The following NLGN1 variants were observed in gnomAD, a reference collection of about 807,000 sequenced individuals.
NLGN1 encodes neuroligin-1.
NLGN1 carries 12 observed loss-of-function variants against 65.5 expected under a neutral mutation model. That is an observed-to-expected ratio of 0.18 (90% confidence interval 0.12 to 0.30). The LOEUF (loss-of-function observed/expected upper bound fraction) is 0.30, where lower values mean the gene tolerates loss of function less well. Among genes scored for constraint, NLGN1 ranks in the 10% least tolerant of loss-of-function variants. The pLI is 1.00. For synonymous variants in NLGN1, 350 were observed against 359.5 expected, an observed-to-expected ratio of 0.97 and a Z score of 0.30; for missense variants, 750 against 1,007.1, an observed-to-expected ratio of 0.74 and a Z score of 3.46.
intron 4 of NLGN1, among the ~76,000 whole-genome samples, chr3:173,850,836 C>T (rs1726789269): frequency 6.6e-6 from 1 of 151,926 alleles, no homozygotes; most frequent in African/African-American, 2.4e-5. Flanking sequence ...TCCCAGGGCT[C>T]AAGTATCCTC....
intron 2 of NLGN1, among the ~76,000 whole-genome samples, chr3:173,519,854 G>T (rs1203036809): frequency 2.0e-5 from 3 of 152,090 alleles, no homozygotes; most frequent in Non-Finnish European, 4.4e-5. Context: ...GCAGTGTGAG[G>T]ACATGATATT....
At chr3:173,415,502 T>A (rs890687689) in intron 1 of NLGN1, among the ~76,000 whole-genome samples, 6 of 152,208 alleles carry the variant, frequency 3.9e-5, no homozygotes, top group African/African-American at 1.2e-4. Flanking sequence ...GATGTAGATA[T>A]AAGTTGACAT....
At chr3:173,815,809 T>A (rs770727798) in intron 4 of NLGN1, among the ~76,000 whole-genome samples, 33 of 152,262 alleles carry the variant, frequency 2.2e-4, no homozygotes, top group South Asian at 8.3e-4. Context: ...GCCTTTCATA[T>A]ACTTCTGTGT....
At chr3:173,605,002 T>A (rs1751150298) in exon 3 of NLGN1, 1 of 1,613,548 alleles carries the variant, frequency 6.2e-7, no homozygotes, top group African/African-American at 1.3e-5. Flanking sequence ...CCTGTGTGGT[T>A]TACTAATAAC....
At chr3:173,901,296 A>G (rs184707426) in intron 4 of NLGN1, among the ~76,000 whole-genome samples, 176 of 151,220 alleles carry the variant, frequency 1.2e-3, no homozygotes, top group Non-Finnish European at 2.1e-3. Context: ...TACATAGACA[A>G]GTTTCTGAAA....
intron 3 of NLGN1, among the ~76,000 whole-genome samples, chr3:173,680,186 G>A (rs541267931): frequency 6.6e-6 from 1 of 152,242 alleles, no homozygotes; most frequent in South Asian, 2.1e-4. Flanking sequence ...TAGCGGGGTA[G>A]TGGTATGGAT....
chr3:174,250,545 T>C (rs78017263), intron 4 of NLGN1, among the ~76,000 whole-genome samples: 17,550 of 152,128 alleles, frequency 0.12, 1,163 homozygotes, highest in Non-Finnish European at 0.16. Context: ...TAGAAGGACG[T>C]TGGCATCACT....
chr3:173,564,344 C>A (rs188068117), intron 2 of NLGN1, among the ~76,000 whole-genome samples: 154 of 152,300 alleles, frequency 1.0e-3, no homozygotes, highest in African/African-American at 3.6e-3. Context: ...ATTTATCCAC[C>A]TTAGGAAGAC....
At chr3:173,663,691 AAC>A (rs977929197) in intron 3 of NLGN1, among the ~76,000 whole-genome samples, 4 of 152,000 alleles carry the variant, frequency 2.6e-5, no homozygotes, top group African/African-American at 7.2e-5. Context: ...CTGAGCTGGG[AAC>A]AGTTTTCAAC....
At chr3:174,292,730 C>A in the NLGN1 span, among the ~76,000 whole-genome samples, 1 of 151,438 alleles carries the variant, frequency 6.6e-6, no homozygotes, top group Admixed American at 6.6e-5. Flanking sequence ...TCAGTTGTCA[C>A]TTGTTTTATT....
chr3:174,174,767 A>G (rs1729143337), intron 4 of NLGN1, among the ~76,000 whole-genome samples: 1 of 151,548 alleles, frequency 6.6e-6, no homozygotes, highest in South Asian at 2.1e-4. Flanking sequence ...TCTTTTTTTA[A>G]TATATAAGCA....
At chr3:173,533,193 C>T (rs187628080) in intron 2 of NLGN1, among the ~76,000 whole-genome samples, 75 of 152,254 alleles carry the variant, frequency 4.9e-4, no homozygotes, top group Admixed American at 1.9e-3. Flanking sequence ...TTGGATAACT[C>T]ACACAAAACT....
intron 4 of NLGN1, among the ~76,000 whole-genome samples, chr3:174,099,162 G>T (rs973636197): frequency 6.6e-6 from 1 of 152,126 alleles, no homozygotes; most frequent in African/African-American, 2.4e-5. Flanking sequence ...TGCAACAGAC[G>T]TTTTAGTCCC....
intron 4 of NLGN1, among the ~76,000 whole-genome samples, chr3:174,004,971 TA>T (rs1023024465): frequency 1.3e-5 from 2 of 152,166 alleles, no homozygotes; most frequent in African/African-American, 4.8e-5. Context: ...TAAAAGCCTC[TA>T]AAGATTATTT....
chr3:173,677,514 T>A (rs907271854), intron 3 of NLGN1, among the ~76,000 whole-genome samples: 1 of 152,040 alleles, frequency 6.6e-6, no homozygotes, highest in African/African-American at 2.4e-5. Flanking sequence ...AGATTTTAAT[T>A]CCTTAATAAT....
At chr3:173,943,041 A>G (rs1746437275) in intron 4 of NLGN1, among the ~76,000 whole-genome samples, 1 of 152,020 alleles carries the variant, frequency 6.6e-6, no homozygotes, top group Admixed American at 6.6e-5. Context: ...CCTGAGAAAC[A>G]TGGCAAAACC....
intron 3 of NLGN1, among the ~76,000 whole-genome samples, chr3:173,698,960 G>A (rs893283511): frequency 2.0e-5 from 3 of 152,066 alleles, no homozygotes; most frequent in African/African-American, 7.2e-5. Context: ...AGGTTCAAGC[G>A]ATTCTCCTGC....
chr3:174,027,175 A>G (rs572191226), intron 4 of NLGN1, among the ~76,000 whole-genome samples: 1 of 152,258 alleles, frequency 6.6e-6, no homozygotes, highest in African/African-American at 2.4e-5. Flanking sequence ...CCTGCATACT[A>G]TAACACACAG....
At chr3:173,851,627 C>T (rs908314858) in intron 4 of NLGN1, among the ~76,000 whole-genome samples, 1 of 152,076 alleles carries the variant, frequency 6.6e-6, no homozygotes, top group Non-Finnish European at 1.5e-5. Context: ...CTTATGAGGA[C>T]CAGACCCCGG....
Sources: gnomAD v4.1 joint callset for allele counts (sites outside exome capture counted in the v4.1 genomes callset) on GRCh38, gnomAD v4.1.1 for gene constraint, MANE v1.5 for transcripts, NCBI Gene and HGNC (gene_info 2026-07-23, HGNC 2026-07-21) for gene names.